CHST8: variants seen among roughly 807,000 people sequenced by gnomAD.
The protein encoded by CHST8 is carbohydrate sulfotransferase 8.
A neutral mutation model predicts 15.0 loss-of-function variants in CHST8; 10 were observed. That is an observed-to-expected ratio of 0.67 (90% confidence interval 0.41 to 1.13). CHST8 has a LOEUF of 1.13. Ranked by LOEUF, CHST8 falls within the 50% of genes most tolerant of loss-of-function variation. The probability of loss-of-function intolerance (pLI) is 0.00; values close to 1 mark genes in which losing one functional copy is unlikely to be tolerated. For synonymous variants in CHST8, 259 were observed against 256.6 expected, an observed-to-expected ratio of 1.01 and a Z score of -0.09; for missense variants, 634 against 608.2, an observed-to-expected ratio of 1.04 and a Z score of -0.45.
At chr19:33,765,949 C>T (rs1974832183) in intron 3 of CHST8, among the ~76,000 whole-genome samples, 1 of 152,032 alleles carries the variant, frequency 6.6e-6, no homozygotes, top group Non-Finnish European at 1.5e-5. Flanking sequence ...GGGCTTCATC[C>T]AATTAGTTGT....
intron 2 of CHST8, among the ~76,000 whole-genome samples, chr19:33,676,679 C>T (rs1246784779): frequency 2.0e-5 from 3 of 151,916 alleles, no homozygotes; most frequent in Non-Finnish European, 4.4e-5. Context: ...AGTTTAAGAC[C>T]AGCCTGAGCA....
At chr19:33,668,214 G>A (rs565542919) in intron 2 of CHST8, among the ~76,000 whole-genome samples, 20 of 152,316 alleles carry the variant, frequency 1.3e-4, no homozygotes, top group Admixed American at 9.1e-4. Flanking sequence ...TTGAGATGGC[G>A]TGGAAGGGAA....
chr19:33,633,768 CT>C (rs1284365909), intron 1 of CHST8, among the ~76,000 whole-genome samples: 1 of 122,500 alleles, frequency 8.2e-6, no homozygotes, highest in African/African-American at 3.1e-5. Flanking sequence ...GAACAGTTTT[CT>C]TTTTCGTGTG....
chr19:33,705,305 C>T (rs1382260947), intron 3 of CHST8, among the ~76,000 whole-genome samples: 1 of 152,184 alleles, frequency 6.6e-6, no homozygotes, highest in Admixed American at 6.5e-5. Context: ...CAGAGCCCCT[C>T]AGTGGCATTG....
chr19:33,676,608 GC>G (rs1600254703), intron 2 of CHST8, among the ~76,000 whole-genome samples: 1 of 152,052 alleles, frequency 6.6e-6, no homozygotes, highest in Admixed American at 6.6e-5. Flanking sequence ...CGGTGTGATG[GC>G]TTACGCCTGT....
intron 1 of CHST8, among the ~76,000 whole-genome samples, chr19:33,651,562 T>C (rs1972448829): frequency 6.6e-6 from 1 of 152,204 alleles, no homozygotes; most frequent in Non-Finnish European, 1.5e-5. Context: ...TAAATCTTAA[T>C]TTGTTGGTGT....
chr19:33,648,030 G>C (rs1449218674), intron 1 of CHST8, among the ~76,000 whole-genome samples: 1 of 151,954 alleles, frequency 6.6e-6, no homozygotes, highest in African/African-American at 2.4e-5. Context: ...AGTTCAGAGG[G>C]GAGAACTGTT....
chr19:33,697,520 T>A (rs976400581), intron 3 of CHST8, among the ~76,000 whole-genome samples: 4 of 152,220 alleles, frequency 2.6e-5, no homozygotes, highest in African/African-American at 9.6e-5. Flanking sequence ...TCTGAGCCAC[T>A]GTGCCCGGCC....
At chr19:33,658,029 C>CA (rs1263296492) in intron 1 of CHST8, among the ~76,000 whole-genome samples, 3 of 152,238 alleles carry the variant, frequency 2.0e-5, no homozygotes, top group East Asian at 3.9e-4. Context: ...CACCTTAATA[C>CA]AAAAAAGTAT....
intron 3 of CHST8, among the ~76,000 whole-genome samples, chr19:33,750,507 G>T (rs1200373683): frequency 6.6e-6 from 1 of 151,750 alleles, no homozygotes; most frequent in African/African-American, 2.4e-5. Context: ...CCCCGCCCCT[G>T]TATCCCCCAC....
At position 33,725,277 on chromosome 19, in the gene CHST8, C is replaced by T. The variant is rs368145120; in HGVS notation, c.130+35886C>T. Among the ~76,000 whole-genome samples, 98 of 152,256 alleles carry T rather than the reference C, an allele frequency of 6.4e-4. 1 individual carries two copies. The highest frequency in any genetic ancestry group is 2.3e-3 in the African/African-American group (95 of 41,544). ...TTGGCTCCTGACTGATGCCCCTCCCCACACACTCACCCCCCAGGGGCATCC... is the reference window on the plus strand; with the variant it reads ...TTGGCTCCTGACTGATGCCCCTCCCTACACACTCACCCCCCAGGGGCATCC... On this transcript the variant is annotated intron_variant, in intron 3 of 4. Transcript: ENST00000650847.
intron 3 of CHST8, among the ~76,000 whole-genome samples, chr19:33,770,979 G>T (rs983416002): frequency 2.0e-5 from 3 of 152,180 alleles, no homozygotes; most frequent in Non-Finnish European, 4.4e-5. Flanking sequence ...CAGAACTGGG[G>T]CATGGCTGAT....
At chr19:33,726,417 A>T (rs1973899968) in intron 3 of CHST8, among the ~76,000 whole-genome samples, 1 of 152,102 alleles carries the variant, frequency 6.6e-6, no homozygotes, top group African/African-American at 2.4e-5. Context: ...AAAAATTAGC[A>T]TGGTGGCGCA....
chr19:33,748,608 G>A (rs868839510), intron 3 of CHST8, among the ~76,000 whole-genome samples: 13 of 152,332 alleles, frequency 8.5e-5, no homozygotes, highest in Middle Eastern at 3.4e-3. Flanking sequence ...TGGTGTTGGG[G>A]GTGGCTCCTG....
intron 1 of CHST8, among the ~76,000 whole-genome samples, chr19:33,647,247 C>T (rs11879309): frequency 1.3e-5 from 2 of 152,138 alleles, no homozygotes; most frequent in Non-Finnish European, 2.9e-5. Context: ...ATGAGGAAGA[C>T]CCAAAGCAAG....
rs1352727614 is a variant in CHST8 at position 33,772,294 on chromosome 19, C to T, written c.506C>T (p.Ala169Val). 4 of 1,602,108 alleles carry T rather than the reference C, an allele frequency of 2.5e-6. No homozygotes were observed. The highest frequency in any genetic ancestry group is 1.7e-5 in the Admixed American group (1 of 59,894). ...VMQEACAKYR[A>V]SSSRRAVTPR... ...CAGGAGGCCTGCGCCAAGTACCGGG[C>T]GAGCAGCAGCCGCCGGGCCGTCACG... Residue 169 changes from alanine to valine, a missense_variant, in exon 5 of 5, where the codon GCG (alanine) becomes GTG (valine). Transcript: ENST00000650847.
chr19:33,722,017 A>G (rs1252023056), intron 3 of CHST8, among the ~76,000 whole-genome samples: 1 of 145,388 alleles, frequency 6.9e-6, no homozygotes, highest in African/African-American at 2.6e-5. Flanking sequence ...AGATGGACAG[A>G]TAGGTAGTGA....
rs936713827 is a variant in CHST8 at position 33,658,283 on chromosome 19, T to C, written c.-163-9484T>C. 2.6e-5 allele frequency among the ~76,000 whole-genome samples: 4 copies of C among 152,318 alleles called. No homozygotes were observed. The East Asian group carries it at 7.7e-4, about 29-fold the overall frequency. On this transcript the variant is annotated intron_variant, in intron 1 of 4. Coordinates refer to ENST00000650847, the MANE Select transcript of CHST8 (RefSeq NM_001127895.2). ...TGAACTCGGGAGGCGGAGATTGCAG[T>C]GAGCCAAGATCACACCACTGCACTC...
At chr19:33,687,408 C>T (rs1038764102) in intron 2 of CHST8, among the ~76,000 whole-genome samples, 1 of 152,196 alleles carries the variant, frequency 6.6e-6, no homozygotes, top group Non-Finnish European at 1.5e-5. Context: ...GGGGTGGCCT[C>T]GGTGGATGAC....
Sources: allele counts gnomAD v4.1 joint callset (sites outside exome capture counted in the v4.1 genomes callset), GRCh38; gene constraint gnomAD v4.1.1; transcripts MANE v1.5; gene names NCBI Gene and HGNC (gene_info 2026-07-23, HGNC 2026-07-21).